The following C12orf42 variants were observed in gnomAD, a reference collection of about 807,000 sequenced individuals.
The protein encoded by C12orf42 is chromosome 12 open reading frame 42.
A neutral mutation model predicts 21.6 loss-of-function variants in C12orf42; 25 were observed. The ratio of observed to expected loss-of-function variants is 1.16; its 90% CI spans 0.84 to 1.62. The LOEUF (loss-of-function observed/expected upper bound fraction) is 1.62. C12orf42 is among the 40% of genes most tolerant of loss of function. The probability of loss-of-function intolerance (pLI) is 0.00; values close to 1 mark genes in which losing one functional copy is unlikely to be tolerated. For missense variants in C12orf42, 483 were observed against 459.3 expected, an observed-to-expected ratio of 1.05 and a Z score of -0.47; for synonymous variants, 174 against 175.0, an observed-to-expected ratio of 0.99 and a Z score of 0.05.
the C12orf42 span, chr12:103,155,376 A>T: frequency 6.6e-6 from 1 of 152,188 alleles, no homozygotes; most frequent in Non-Finnish European, 1.5e-5. Flanking sequence ...AAATATTTAC[A>T]AATTTGTCAA....
At chr12:103,234,171 T>C (rs1261246041), downstream of C12orf42, among the ~76,000 whole-genome samples, 2 of 152,192 alleles carry the variant, frequency 1.3e-5, no homozygotes, top group Non-Finnish European at 2.9e-5. Flanking sequence ...AGTCATGGAG[T>C]GTAATTCTCT....
chr12:103,237,719 TG>T (rs1457579827), exon 11 of C12orf42: 1 of 152,280 alleles, frequency 6.6e-6, no homozygotes, highest in Non-Finnish European at 1.5e-5. Flanking sequence ...CTGCAGTTAC[TG>T]GGGTGCCTTG....
chr12:103,387,179 T>C (rs1858218114), intron 3 of C12orf42, among the ~76,000 whole-genome samples: 1 of 152,240 alleles, frequency 6.6e-6, no homozygotes, highest in African/African-American at 2.4e-5. Flanking sequence ...TTTCACCTGC[T>C]CTAGTCCAGC....
At chr12:103,470,107 G>A (rs770482582) in intron 2 of C12orf42, among the ~76,000 whole-genome samples, 5 of 152,166 alleles carry the variant, frequency 3.3e-5, no homozygotes, top group African/African-American at 7.2e-5. Flanking sequence ...CCATCCCAGC[G>A]TTCCTAAGAA....
At chr12:103,372,965 T>A (rs2374060) in intron 3 of C12orf42, among the ~76,000 whole-genome samples, 4 of 152,142 alleles carry the variant, frequency 2.6e-5, no homozygotes, top group East Asian at 1.9e-4. Context: ...TGAAAAAGAA[T>A]GAATGAAGAC....
downstream of C12orf42, among the ~76,000 whole-genome samples, chr12:103,235,555 T>A (rs973150142): frequency 6.6e-6 from 1 of 152,180 alleles, no homozygotes; most frequent in African/African-American, 2.4e-5. Flanking sequence ...CTCTTATGAT[T>A]TATAATAAAA....
the C12orf42 span, among the ~76,000 whole-genome samples, chr12:103,068,014 A>T: frequency 0.019 from 2,860 of 152,230 alleles, 94 homozygotes; most frequent in African/African-American, 0.065. Flanking sequence ...AATGGCCCAG[A>T]CCCTTCAGGA....
intron 4 of C12orf42, among the ~76,000 whole-genome samples, chr12:103,351,928 C>T (rs970105414): frequency 6.6e-6 from 1 of 151,568 alleles, no homozygotes; most frequent in African/African-American, 2.4e-5. Flanking sequence ...CCTCTCTATC[C>T]CCCTTCCCCT....
the C12orf42 span, among the ~76,000 whole-genome samples, chr12:103,228,409 C>A: frequency 6.6e-6 from 1 of 152,110 alleles, no homozygotes; most frequent in Non-Finnish European, 1.5e-5. Context: ...GCCATTTACA[C>A]TTCTTTTGTA....
chr12:103,224,900 G>A, the C12orf42 span, among the ~76,000 whole-genome samples: 1 of 152,174 alleles, frequency 6.6e-6, no homozygotes, highest in Non-Finnish European at 1.5e-5. Flanking sequence ...TTGTTGTTTT[G>A]TAAGGGATTG....
chr12:103,076,571 A>G, the C12orf42 span, among the ~76,000 whole-genome samples: 3 of 152,156 alleles, frequency 2.0e-5, no homozygotes, highest in Non-Finnish European at 4.4e-5. Flanking sequence ...CAGTGACTCC[A>G]GTGAATAAGT....
At chr12:103,324,973 T>C (rs1293282189) in intron 4 of C12orf42, among the ~76,000 whole-genome samples, 2 of 152,224 alleles carry the variant, frequency 1.3e-5, no homozygotes, top group African/African-American at 4.8e-5. Flanking sequence ...AAGGAAGATA[T>C]AATTTGGTTA....
intron 2 of C12orf42, 24 bp from the exon 3 acceptor site, chr12:103,401,699 T>C (rs370281398): frequency 6.3e-7 from 1 of 1,591,724 alleles, no homozygotes; most frequent in African/African-American, 1.3e-5. Context: ...AACAAGGCAT[T>C]TAGTATCACT....
At chr12:103,397,304 T>C (rs2047617029) in intron 3 of C12orf42, among the ~76,000 whole-genome samples, 2 of 152,208 alleles carry the variant, frequency 1.3e-5, no homozygotes, top group African/African-American at 4.8e-5. Context: ...AATCATTGCA[T>C]CAGAAAACAG....
intron 4 of C12orf42, among the ~76,000 whole-genome samples, chr12:103,358,829 C>A (rs966997994): frequency 6.6e-6 from 1 of 152,022 alleles, no homozygotes; most frequent in Non-Finnish European, 1.5e-5. Context: ...CTTGTTCCCC[C>A]CTACAATTAA....
chr12:103,048,433 T>C, the C12orf42 span, among the ~76,000 whole-genome samples: 1 of 152,142 alleles, frequency 6.6e-6, no homozygotes, highest in Admixed American at 6.5e-5. Context: ...CCCTCCCCCA[T>C]ATATGCAACC....
At chr12:103,153,775 T>C in the C12orf42 span, among the ~76,000 whole-genome samples, 2 of 152,086 alleles carry the variant, frequency 1.3e-5, no homozygotes, top group African/African-American at 2.4e-5. Context: ...AATATCTGCA[T>C]ATCCTCTCAC....
chr12:103,132,572 C>T, the C12orf42 span, among the ~76,000 whole-genome samples: 7 of 152,250 alleles, frequency 4.6e-5, 1 homozygote, highest in South Asian at 2.1e-4. Context: ...ATTGAGATCC[C>T]CACTCCCACC....
chr12:103,423,149 T>C (rs887147786), intron 2 of C12orf42, among the ~76,000 whole-genome samples: 4 of 152,180 alleles, frequency 2.6e-5, no homozygotes, highest in African/African-American at 7.2e-5. Context: ...CCTGGAAGCA[T>C]TGATGCCCTT....
Sources: gnomAD v4.1 joint callset for allele counts (sites outside exome capture counted in the v4.1 genomes callset) on GRCh38, gnomAD v4.1.1 for gene constraint, MANE v1.5 for transcripts, NCBI Gene and HGNC (gene_info 2026-07-23, HGNC 2026-07-21) for gene names.